SRL: variants seen among roughly 807,000 people sequenced by gnomAD.
SRL encodes the protein sarcalumenin.
Under a neutral mutation model 39.5 loss-of-function variants are expected in SRL, and 23 were observed. That is an observed-to-expected ratio of 0.58 (90% CI 0.42 to 0.82). The LOEUF is 0.82. Among genes scored for constraint, SRL ranks in the 40% least tolerant of loss-of-function variants. SRL has a pLI of 0.00. For missense variants in SRL, 592 were observed against 607.8 expected (o/e 0.97, Z 0.27); for synonymous variants, 272 against 237.4 (o/e 1.15, Z -1.34).
At chr16:4,231,720 C>T (rs1343120727) in intron 1 of SRL, among the ~76,000 whole-genome samples, 1 of 152,164 alleles carries the variant, frequency 6.6e-6, no homozygotes, top group African/African-American at 2.4e-5. Context: ...CAGTCCTGAG[C>T]AGGGGAGGCG....
At chr16:4,236,066 C>G (rs1247401591) in intron 1 of SRL, among the ~76,000 whole-genome samples, 1 of 152,030 alleles carries the variant, frequency 6.6e-6, no homozygotes, top group Non-Finnish European at 1.5e-5. Context: ...AGAGTGAGTC[C>G]CTGTCTAAAA....
chr16:4,227,571 A>G (rs930019399), intron 1 of SRL, among the ~76,000 whole-genome samples: 1 of 151,894 alleles, frequency 6.6e-6, no homozygotes, highest in Admixed American at 6.6e-5. Flanking sequence ...GGATTGGTGG[A>G]CAGATGGGTG....
rs1412742419 is a variant in SRL at position 4,192,738 on chromosome 16, G to A, written c.837C>T (p.Leu279=). The A allele has an allele frequency of 6.2e-7, 1 of 1,614,182 alleles. No homozygotes were observed. The highest frequency in any genetic ancestry group is 1.7e-5 in the Admixed American group (1 of 60,022). ...YGALFWSLAP[L]INVTEPPRVY... is the part of the protein sequence containing the mutation. ...CCCTTGGGGGCTCTGTGACATTGAT[G>A]AGAGGGGCCAAGCTCCAGAAGAGGG... Residue 279 remains leucine (L), a synonymous_variant, in exon 6 of 6, where the codon CTC becomes CTT. Transcript: ENST00000399609. This position sits in a 1 kb window ranked among gnomAD's most constrained non-coding sequence, Gnocchi z 4.0.
At position 4,204,633 on chromosome 16, in the gene SRL, T is replaced by C. The variant is rs1411532289; in HGVS notation, c.63A>G (p.Glu21=). 7 of 1,613,712 alleles carry C rather than the reference T, an allele frequency of 4.3e-6. No homozygotes were observed. In the African/African-American group the frequency reaches 9.3e-5, roughly 22 times the overall value. ...LASLLFSGQA[E]ETEDANEEAP... ...CTTCTTCATTTGCATCCTCCGTCTC[T>C]TCTGTGGAGAGAAGCAGACAGCCAA... is the stretch of plus-strand genomic sequence containing the variant. Residue 21 remains glutamate (E), a splice_region_variant and synonymous_variant, in exon 2 of 6, where the codon GAA becomes GAG. Coordinates refer to ENST00000399609, the MANE Select transcript of SRL (RefSeq NM_001098814.2).
At chr16:4,224,570 G>A (rs1253057432) in intron 1 of SRL, among the ~76,000 whole-genome samples, 1 of 152,024 alleles carries the variant, frequency 6.6e-6, no homozygotes, top group Non-Finnish European at 1.5e-5. Context: ...AAAAAAATTA[G>A]TGTGATGGCT....
intron 1 of SRL, chr16:4,207,584 C>A (rs1226499523): frequency 4.5e-6 from 2 of 449,414 alleles, no homozygotes; most frequent in Admixed American, 4.8e-5. Flanking sequence ...CTCCCTGCAC[C>A]AGGCTGTCCC....
intron 1 of SRL, among the ~76,000 whole-genome samples, chr16:4,220,833 A>G (rs2052520789): frequency 6.6e-6 from 1 of 152,004 alleles, no homozygotes. Flanking sequence ...TACTTAAAAA[A>G]AAATTAGCTG....
At chr16:4,205,689 G>T (rs2052309704) in intron 1 of SRL, among the ~76,000 whole-genome samples, 1 of 152,130 alleles carries the variant, frequency 6.6e-6, no homozygotes, top group Non-Finnish European at 1.5e-5. Flanking sequence ...CTGGGTGCTG[G>T]GGAGCTGCTG....
chr16:4,193,476 T>G (rs140646644), intron 5 of SRL, among the ~76,000 whole-genome samples: 37 of 152,322 alleles, frequency 2.4e-4, no homozygotes, highest in African/African-American at 8.2e-4. Flanking sequence ...TAGAAGAACA[T>G]GAAAGAATGA....
At chr16:4,213,752 G>A (rs560395688) in intron 1 of SRL, among the ~76,000 whole-genome samples, 1 of 152,198 alleles carries the variant, frequency 6.6e-6, no homozygotes. Context: ...CTCTCAGCTG[G>A]GTCATCTCCT....
In SRL at chr16:4,204,573, G is replaced by T. The variant is rs772821735; in HGVS notation, c.123C>A (p.Thr41=). 1 of 1,614,202 alleles carries T rather than the reference G, an allele frequency of 6.2e-7. No homozygotes were observed. The highest frequency in any genetic ancestry group is 8.5e-7 in the Non-Finnish European group (1 of 1,180,036). Residue 41 remains threonine, a synonymous_variant, in exon 2 of 6, where the codon ACC becomes ACA. Coordinates refer to ENST00000399609, the MANE Select transcript of SRL (RefSeq NM_001098814.2). ...ATGGCTTGTCCTCATTCAGCATGAG[G>T]GTCTTCTCGATGTGGGAGCGGTCCC... ...PLRDRSHIEK[T]LMLNEDKPSD...
intron 1 of SRL, among the ~76,000 whole-genome samples, chr16:4,241,177 C>T (rs1369786634): frequency 6.6e-6 from 1 of 152,098 alleles, no homozygotes; most frequent in Non-Finnish European, 1.5e-5. Flanking sequence ...TAGGGGGATC[C>T]CCGGAGCACC....
intron 1 of SRL, among the ~76,000 whole-genome samples, chr16:4,226,492 TG>T (rs2052590852): frequency 6.8e-6 from 1 of 147,916 alleles, no homozygotes; most frequent in Non-Finnish European, 1.5e-5. Context: ...GGTAGGTGGG[TG>T]GGTGAGTGGA....
At chr16:4,217,401 G>C (rs971683439) in intron 1 of SRL, among the ~76,000 whole-genome samples, 5 of 152,106 alleles carry the variant, frequency 3.3e-5, no homozygotes, top group Non-Finnish European at 5.9e-5. Context: ...ACAGGCACGC[G>C]CCACCATGCC....
chr16:4,236,909 G>C (rs1366427466), intron 1 of SRL, among the ~76,000 whole-genome samples: 2 of 151,732 alleles, frequency 1.3e-5, no homozygotes, highest in Non-Finnish European at 2.9e-5. Flanking sequence ...CAAAGTGCTG[G>C]AATTACAGGT....
intron 4 of SRL, among the ~76,000 whole-genome samples, chr16:4,197,060 CTTT>C (rs1172658613): frequency 3.5e-5 from 3 of 85,920 alleles, no homozygotes; most frequent in African/African-American, 1.4e-4. Context: ...TCCAAATTTT[CTTT>C]TTTTTTTTTT....
chr16:4,205,405 G>A (rs2052305970), intron 1 of SRL, among the ~76,000 whole-genome samples: 2 of 152,132 alleles, frequency 1.3e-5, no homozygotes, highest in Admixed American at 6.5e-5. Flanking sequence ...AAAAGAGGGA[G>A]ACCCTGTCTC....
chr16:4,192,723 C>T lies in SRL; in HGVS notation c.852G>A (p.Glu284=). The part of the protein sequence containing the change: ...WSLAPLINVT[E]PPRVYVSSFW... ...AGGAGCTGACGTAAACCCTTGGGGG[C>T]TCTGTGACATTGATGAGAGGGGCCA... is the stretch of plus-strand genomic sequence containing the variant. The change falls in exon 6 of 6, where the codon GAG becomes GAA. Residue 284 remains glutamate (E), a synonymous_variant. Coordinates refer to ENST00000399609, the MANE Select transcript of SRL (RefSeq NM_001098814.2). The surrounding 1 kb of genome is among the most constrained non-coding windows in gnomAD (Gnocchi z 4.0). 1 of 1,614,146 alleles carries T rather than the reference C, an allele frequency of 6.2e-7. No homozygotes were observed. Among genetic ancestry groups the T allele is most frequent in the Non-Finnish European group, 8.5e-7 (1 of 1,180,024 alleles).
At chr16:4,234,838 C>T (rs1291790893) in intron 1 of SRL, among the ~76,000 whole-genome samples, 3 of 152,216 alleles carry the variant, frequency 2.0e-5, no homozygotes, top group Non-Finnish European at 2.9e-5. Flanking sequence ...TCCCTCTGCG[C>T]TCAGAACCGG....
Sources: allele counts gnomAD v4.1 joint callset (sites outside exome capture counted in the v4.1 genomes callset), GRCh38; gene constraint gnomAD v4.1.1; non-coding constraint Gnocchi (gnomAD v3.1); transcripts MANE v1.5; gene names NCBI Gene and HGNC (gene_info 2026-07-23, HGNC 2026-07-21).